IFT70B: variants seen among roughly 807,000 people sequenced by gnomAD.
The protein encoded by IFT70B is intraflagellar transport 70B.
At chr2:177,552,600 T>C in the IFT70B span, 18 of 1,595,290 alleles carry the variant, frequency 1.1e-5, no homozygotes, top group Non-Finnish European at 1.5e-5. Flanking sequence ...CAGGCGGTAG[T>C]AGCAGTAGCC....
the IFT70B span, chr2:177,549,826 A>G: frequency 3.3e-5 from 5 of 152,212 alleles, no homozygotes; most frequent in Non-Finnish European, 7.3e-5. Flanking sequence ...AAGAGGCTAC[A>G]ACATGGAAAC....
the IFT70B span, chr2:177,550,751 C>G: frequency 6.4e-7 from 1 of 1,554,764 alleles, no homozygotes; most frequent in South Asian, 1.2e-5. Context: ...TGATAAATGC[C>G]ACTATCAGCT....
At chr2:177,551,197 T>C in the IFT70B span, 1 of 1,613,826 alleles carries the variant, frequency 6.2e-7, no homozygotes, top group Non-Finnish European at 8.5e-7. Context: ...TTTTCAATCT[T>C]CCTCATCAAC....
At chr2:177,551,163 T>G in the IFT70B span, 4 of 1,613,952 alleles carry the variant, frequency 2.5e-6, no homozygotes, top group African/African-American at 1.3e-5. Flanking sequence ...ATCTGGGTCA[T>G]CATAAGAGAG....
At chr2:177,551,879 T>C in the IFT70B span, 5 of 1,614,124 alleles carry the variant, frequency 3.1e-6, no homozygotes, top group Non-Finnish European at 4.2e-6. Flanking sequence ...CCATGTTCAT[T>C]AGTGCCTGGT....
At chr2:177,552,430 G>A in the IFT70B span, 5 of 1,613,286 alleles carry the variant, frequency 3.1e-6, no homozygotes, top group Middle Eastern at 5.0e-4. Context: ...ACCCGGCTGT[G>A]GTAGGCGGGG....
chr2:177,552,179 A>C, the IFT70B span: 1 of 1,614,246 alleles, frequency 6.2e-7, no homozygotes, highest in Non-Finnish European at 8.5e-7. Flanking sequence ...AATAGGCCAA[A>C]GCCAGGTTGT....
the IFT70B span, chr2:177,551,847 A>C: frequency 6.2e-7 from 1 of 1,614,242 alleles, no homozygotes; most frequent in Non-Finnish European, 8.5e-7. Flanking sequence ...TAGCTTTTCA[A>C]ACCCTTCTGT....
At chr2:177,551,880 A>G in the IFT70B span, 1 of 1,614,252 alleles carries the variant, frequency 6.2e-7, no homozygotes, top group Non-Finnish European at 8.5e-7. Flanking sequence ...CATGTTCATT[A>G]GTGCCTGGTT....
At chr2:177,549,463 C>T in the IFT70B span, 1 of 152,170 alleles carries the variant, frequency 6.6e-6, no homozygotes, top group Non-Finnish European at 1.5e-5. Flanking sequence ...GGCAGAGGTT[C>T]CCTATCATTC....
At chr2:177,551,583 G>T in the IFT70B span, 6 of 1,614,150 alleles carry the variant, frequency 3.7e-6, no homozygotes, top group Non-Finnish European at 5.1e-6. Context: ...TACTTGTATG[G>T]TAAGTTTCCG....
chr2:177,550,238 G>C, the IFT70B span: 1 of 152,026 alleles, frequency 6.6e-6, no homozygotes, highest in Admixed American at 6.5e-5. Flanking sequence ...ACTTTTGCAC[G>C]TTAAAACCAC....
chr2:177,552,714 A>G, the IFT70B span: 1 of 1,592,506 alleles, frequency 6.3e-7, no homozygotes, highest in South Asian at 1.1e-5. Flanking sequence ...GCGGTACACG[A>G]CCGCGGTGAA....
chr2:177,551,091 C>T, the IFT70B span: 2 of 1,614,184 alleles, frequency 1.2e-6, no homozygotes, highest in Non-Finnish European at 1.7e-6. Flanking sequence ...GTCATAATTT[C>T]CTTTGGCACA....
the IFT70B span, chr2:177,551,520 T>G: frequency 6.2e-7 from 1 of 1,614,162 alleles, no homozygotes; most frequent in Admixed American, 1.7e-5. Flanking sequence ...TTCATCATAT[T>G]CATTCACTGC....
the IFT70B span, chr2:177,551,115 A>G: frequency 1.2e-6 from 2 of 1,614,174 alleles, no homozygotes; most frequent in Admixed American, 1.7e-5. Flanking sequence ...AAGAGTTCCT[A>G]TCACCAAATT....
the IFT70B span, chr2:177,549,197 G>A: frequency 2.0e-5 from 3 of 152,174 alleles, no homozygotes; most frequent in Non-Finnish European, 4.4e-5. Context: ...GCAGTGAAGA[G>A]GTCACTAAAC....
At chr2:177,551,717 C>A in the IFT70B span, 1 of 1,614,194 alleles carries the variant, frequency 6.2e-7, no homozygotes, top group African/African-American at 1.3e-5. Context: ...ACTTATAAAT[C>A]AAATGGGCAT....
chr2:177,552,785 T>C, the IFT70B span: 3 of 1,504,978 alleles, frequency 2.0e-6, no homozygotes, highest in Non-Finnish European at 2.7e-6. Context: ...CTGTTATGGG[T>C]GCGGTTACTA....
Sources: allele counts gnomAD v4.1 joint callset, GRCh38; gene constraint gnomAD v4.1.1; transcripts MANE v1.5; gene names NCBI Gene and HGNC (gene_info 2026-07-23, HGNC 2026-07-21).